The following CBLN4 variants were observed in gnomAD, a reference collection of about 807,000 sequenced individuals.
CBLN4 encodes the protein cerebellin 4 precursor, also known as cerebellin-4.
A neutral mutation model predicts 14.9 loss-of-function variants in CBLN4; 7 were observed. The ratio of observed to expected loss-of-function variants is 0.47; its 90% CI spans 0.27 to 0.88. The LOEUF (loss-of-function observed/expected upper bound fraction) is 0.88, where lower values mean the gene tolerates loss of function less well. Ranked by LOEUF, CBLN4 falls within the 40% of genes least tolerant of loss-of-function variation. The pLI is 0.14. For missense variants in CBLN4, 188 were observed against 256.8 expected, an observed-to-expected ratio of 0.73 and a Z score of 1.83; for synonymous variants, 131 against 116.5, an observed-to-expected ratio of 1.12 and a Z score of -0.80.
Position 55,997,597 on chromosome 20 carries a change from C to T in CBLN4, c.*960G>A, listed in dbSNP as rs1293025410. On this transcript the variant is annotated 3_prime_UTR_variant, in exon 3 of 3. Transcript: ENST00000064571. The stretch of plus-strand genomic sequence containing the variant: ...ATATATACAATTTAAAGAGTTAAGG[C>T]AAAACCAGATGATACTTCAAATACA... 6.6e-6 allele frequency: 1 copy of T among 151,164 alleles called. No individual in the cohort carries two copies. The highest frequency in any genetic ancestry group is 2.5e-5 in the African/African-American group (1 of 40,804). 9.4% of individuals were successfully genotyped at this position (151,164 alleles called of 1,614,324 possible). A position where few individuals can be genotyped will look rare whatever the true frequency, so the allele number is the denominator to read the frequency against.
intron 1 of CBLN4, 103 bp downstream of exon 1, chr20:56,003,777 TC>T: frequency 8.3e-7 from 1 of 1,210,518 alleles, no homozygotes; most frequent in Non-Finnish European, 1.2e-6. Context: ...TTTACATGAT[TC>T]CCCATTTCCC....
In CBLN4 at chr20:55,998,652, T is replaced by C; in HGVS notation, c.511A>G (p.Lys171Glu). The C allele has an allele frequency of 6.2e-7, 1 of 1,614,166 alleles. No homozygotes were observed. Among genetic ancestry groups the C allele is most frequent in the Non-Finnish European group, 8.5e-7 (1 of 1,179,998 alleles). The change falls in exon 3 of 3, where the codon AAA becomes GAA. Residue 171 changes from lysine (K) to glutamate (E), a missense_variant. Lys to Glu is a moderately conservative substitution (Grantham distance 56). Coordinates refer to ENST00000064571, the MANE Select transcript of CBLN4 (RefSeq NM_080617.6). ...AGTTTTAGGTAAACCTTATCCTCTT[T>C]ATCTAGGTAGAGCAGGACACCATTC... ...ATNGVLLYLDKEDKVYLKLEK... is the reference protein window; with the variant it reads ...ATNGVLLYLDEEDKVYLKLEK...
At chr20:56,003,825 C>T in intron 1 of CBLN4, 56 bp downstream of exon 1, 2 of 1,534,524 alleles carry the variant, frequency 1.3e-6, no homozygotes, top group Non-Finnish European at 1.8e-6. Flanking sequence ...CAGCCTCGTG[C>T]TGAGGTGCCT....
At position 56,003,997 on chromosome 20, in the gene CBLN4, G is replaced by C; in HGVS notation, c.175C>G (p.Pro59Ala). 6.2e-7 allele frequency: 1 copy of C among 1,614,052 alleles called. No homozygotes were observed. Among genetic ancestry groups the C allele is most frequent in the Non-Finnish European group, 8.5e-7 (1 of 1,180,006 alleles). Residue 59 changes from proline to alanine, a missense_variant, in exon 1 of 3, where the codon CCG becomes GCG. This residue lies in a region of CBLN4 where 95 missense variants were observed against 99.2 expected (regional missense o/e 0.96). Coordinates refer to ENST00000064571, the MANE Select transcript of CBLN4 (RefSeq NM_080617.6). Reference protein sequence around the residue: ...ATDSKGSSSSPLGISVRAANS... With the variant: ...ATDSKGSSSSALGISVRAANS... ...GCCGCCCGGACCGATATCCCCAGCG[G>C]GGAGGAAGAGGAGCCCTTGGAGTCC...
intron 2 of CBLN4, among the ~76,000 whole-genome samples, chr20:56,000,418 C>T (rs1014779302): frequency 1.6e-4 from 24 of 152,124 alleles, no homozygotes; most frequent in Non-Finnish European, 2.9e-4. Context: ...CTTGTACATG[C>T]ATTAAATGAA....
rs1458337860 is a variant in CBLN4, at chr20:56,003,982, C to G, written c.190G>C (p.Val64Leu). ...GSSSSPLGIS[V>L]RAANSKVAFS... ...GCGACCTTGGAGTTGGCCGCCCGGACCGATATCCCCAGCGGGGAGGAAGAG... is the reference window on the plus strand; with the variant it reads ...GCGACCTTGGAGTTGGCCGCCCGGAGCGATATCCCCAGCGGGGAGGAAGAG... The change falls in exon 1 of 3, where the codon GTC becomes CTC. Residue 64 changes from valine to leucine, a missense_variant. Around this residue, in one of 2 missense-constraint regions of CBLN4, gnomAD observed 95 missense variants for 99.2 expected, o/e 0.96. Transcript: ENST00000064571. The G allele has an allele frequency of 1.2e-6, 2 of 1,614,026 alleles. No individual in the cohort carries two copies. The highest frequency in any genetic ancestry group is 2.2e-5 in the East Asian group (1 of 44,864).
intron 1 of CBLN4, among the ~76,000 whole-genome samples, chr20:56,002,604 T>C (rs977756904): frequency 6.6e-6 from 1 of 152,240 alleles, no homozygotes; most frequent in African/African-American, 2.4e-5. Flanking sequence ...GCCCACAGTA[T>C]TCCAACATTT....
chr20:56,000,878 T>G, intron 1 of CBLN4, 31 bp from the exon 2 acceptor site: 1 of 1,157,492 alleles, frequency 8.6e-7, no homozygotes, highest in African/African-American at 1.6e-5. Context: ...TAACAATAAG[T>G]TATTATATTT....
At position 56,004,292 on chromosome 20, in the gene CBLN4, A is replaced by ACGG. The variant is rs1350741541; in HGVS notation, c.-124_-122dup. On this transcript the variant is annotated 5_prime_UTR_variant, in exon 1 of 3. Coordinates refer to ENST00000064571, the MANE Select transcript of CBLN4 (RefSeq NM_080617.6). The surrounding 1 kb of genome is among the most constrained non-coding windows in gnomAD (Gnocchi z 6.1). ...CTAGGTCGACAGCGCTGCAGGAGCG[A>ACGG]CGGCGGCGGCGGCGCGCACACTTCC... 7.7e-6 allele frequency: 8 copies of ACGG among 1,045,064 alleles called. No individual in the cohort carries two copies. Among genetic ancestry groups the ACGG allele is most frequent in the East Asian group, 3.2e-5 (1 of 31,678 alleles). 64.7% of individuals were successfully genotyped at this position (1,045,064 alleles called of 1,614,324 possible).
chr20:56,004,280 G>T lies in CBLN4; in HGVS notation c.-109C>A. ...AGATGCTAGCGGCTAGGTCGACAGC[G>T]CTGCAGGAGCGACGGCGGCGGCGGC... On this transcript the variant is annotated 5_prime_UTR_variant, in exon 1 of 3. Transcript: ENST00000064571. The surrounding 1 kb of genome is among the most constrained non-coding windows in gnomAD (Gnocchi z 6.1). 1 of 1,146,462 alleles carries T rather than the reference G, an allele frequency of 8.7e-7. No individual in the cohort carries two copies. The highest frequency in any genetic ancestry group is 1.1e-6 in the Non-Finnish European group (1 of 869,900). The allele number at this position is 1,146,462 out of a possible 1,614,324, so 71.0% of individuals were successfully genotyped here.
chr20:55,999,536 G>A (rs1164023292), intron 2 of CBLN4, among the ~76,000 whole-genome samples: 1 of 152,218 alleles, frequency 6.6e-6, no homozygotes, highest in African/African-American at 2.4e-5. Flanking sequence ...GCTGAGGCAG[G>A]AGGATTGCTT....
At position 56,003,613 on chromosome 20, in the gene CBLN4, C is replaced by A. The variant is rs112386301; in HGVS notation, c.291+268G>T. 9.4e-3 allele frequency among the ~76,000 whole-genome samples: 1,437 copies of A among 152,276 alleles called. 35 individuals are homozygous for A. The highest frequency in any genetic ancestry group is 0.032 in the African/African-American group (1,347 of 41,566). ...TGTTGCTCGAAACTTGCCCTGAGCT[C>A]TCGCTGCCGGGCTCTGGGCTCCCAA... On this transcript the variant is annotated intron_variant, in intron 1 of 2. Transcript: ENST00000064571.
chr20:56,004,107 C>T lies in CBLN4; in HGVS notation c.65G>A (p.Gly22Glu). Residue 22 changes from glycine (G) to glutamate (E), a missense_variant, in exon 1 of 3, where the codon GGG (glycine) becomes GAG (glutamate). Transcript: ENST00000064571. This position sits in a 1 kb window ranked among gnomAD's most constrained non-coding sequence, Gnocchi z 6.1. The stretch of plus-strand genomic sequence containing the variant: ...GTCGTTCTGTGCCCAGACGGGCAGC[C>T]CCGGCAGCGTGAGGACCAGCAGCAC... ...PAVLLVLTLP[G>E]LPVWAQNDTE... The T allele has an allele frequency of 6.2e-7, 1 of 1,606,130 alleles. No individual in the cohort carries two copies. The highest frequency in any genetic ancestry group is 8.5e-7 in the Non-Finnish European group (1 of 1,177,414).
intron 1 of CBLN4, among the ~76,000 whole-genome samples, chr20:56,001,842 T>C (rs552437294): frequency 1.3e-5 from 2 of 152,274 alleles, no homozygotes; most frequent in African/African-American, 2.4e-5. Context: ...GTCACATGGG[T>C]AAGTCTCTTT....
chr20:56,003,255 G>A (rs890338997), intron 1 of CBLN4, among the ~76,000 whole-genome samples: 7 of 152,126 alleles, frequency 4.6e-5, no homozygotes, highest in Non-Finnish European at 7.3e-5. Flanking sequence ...TCTAAGTACC[G>A]GAGAAGGGCT....
chr20:56,001,410 G>T (rs1006379219), intron 1 of CBLN4, among the ~76,000 whole-genome samples: 1 of 152,158 alleles, frequency 6.6e-6, no homozygotes, highest in Non-Finnish European at 1.5e-5. Flanking sequence ...TCCACCATGT[G>T]ACATAATCCT....
chr20:56,000,831 C>T lies in CBLN4; in HGVS notation c.308G>A (p.Gly103Asp). 2 of 1,554,474 alleles carry T rather than the reference C, an allele frequency of 1.3e-6. No individual in the cohort carries two copies. Among genetic ancestry groups the T allele is most frequent in the Non-Finnish European group, 1.7e-6 (2 of 1,144,514 alleles). Residue 103 changes from glycine to aspartate, a missense_variant, in exon 2 of 3, where the codon GGT (glycine) becomes GAT (aspartate). Physicochemically the swap from Gly to Asp is moderately conservative, Grantham distance 94 (BLOSUM62 -1). Transcript: ENST00000064571. ...GACAGACTCCAATGTGAAAAAATTACCCACATTCACCAGGATCTACAAATA... is the reference window on the plus strand; with the variant it reads ...GACAGACTCCAATGTGAAAAAATTATCCACATTCACCAGGATCTACAAATA... Reference protein sequence around the residue: ...IYFDQILVNVGNFFTLESVFV... With the variant: ...IYFDQILVNVDNFFTLESVFV...
At position 56,004,199 on chromosome 20, in the gene CBLN4, G is replaced by A; in HGVS notation, c.-28C>T. 7.2e-7 allele frequency: 1 copy of A among 1,394,078 alleles called. No homozygotes were observed. The highest frequency in any genetic ancestry group is 3.3e-5 in the Admixed American group (1 of 29,902). 86.4% of individuals were successfully genotyped at this position (1,394,078 alleles called of 1,614,324 possible). On this transcript the variant is annotated 5_prime_UTR_variant, in exon 1 of 3. Transcript: ENST00000064571. This position sits in a 1 kb window ranked among gnomAD's most constrained non-coding sequence, Gnocchi z 6.1. ...TGAGCCGTGTGGGCAGCCGCAGCCG[G>A]CTGGCGCTGGTGCTCGCCCGCGTCG...
chr20:55,999,126 A>G (rs1412147090), intron 2 of CBLN4, among the ~76,000 whole-genome samples: 1 of 152,174 alleles, frequency 6.6e-6, no homozygotes, highest in African/African-American at 2.4e-5. Context: ...TTCCCGGTAC[A>G]TTCGTAAAAG....
Sources: gnomAD v4.1 joint callset for allele counts (sites outside exome capture counted in the v4.1 genomes callset) on GRCh38, gnomAD v4.1.1 for gene constraint, gnomAD v4.1.1 regional missense constraint, Gnocchi (gnomAD v3.1) non-coding constraint, MANE v1.5 for transcripts, NCBI Gene and HGNC (gene_info 2026-07-23, HGNC 2026-07-21) for gene names.